The following IMMP2L variants were observed in gnomAD, a reference collection of about 807,000 sequenced individuals.
IMMP2L encodes mitochondrial inner membrane protease subunit 2.
A neutral mutation model predicts 19.3 loss-of-function variants in IMMP2L; 18 were observed. That is an observed-to-expected ratio of 0.93 (90% CI 0.64 to 1.38). The LOEUF is 1.38. Among genes scored for constraint, IMMP2L ranks in the 40% most tolerant of loss-of-function variants. The pLI, the probability that IMMP2L is intolerant of heterozygous loss-of-function variation, is 0.00. For missense variants in IMMP2L, 233 were observed against 218.2 expected (o/e 1.07, Z -0.43); for synonymous variants, 76 against 73.0 (o/e 1.04, Z -0.21).
At chr7:111,161,909 T>C (rs1054752839) in intron 3 of IMMP2L, among the ~76,000 whole-genome samples, 3 of 152,014 alleles carry the variant, frequency 2.0e-5, no homozygotes, top group African/African-American at 7.2e-5. Context: ...CCACTTCAAA[T>C]AAAGTATCCA....
rs1291545874 is a variant in IMMP2L at position 110,923,230 on chromosome 7, T to C, written c.306-36535A>G. On this transcript the variant is annotated intron_variant, in intron 4 of 5. Transcript: ENST00000405709. ...AATACAACTATTATTATTAATGTCC[T>C]TCTTAAGAAAAGTAACTCTTATACT... is the stretch of plus-strand genomic sequence containing the variant. Among the ~76,000 whole-genome samples, 3 of 152,174 alleles carry C rather than the reference T, an allele frequency of 2.0e-5. No homozygotes were observed. The East Asian group carries it at 5.8e-4, about 29-fold the overall frequency.
Position 111,562,364 on chromosome 7 carries a change from C to G in IMMP2L, c.-516G>C, listed in dbSNP as rs1792189338. On this transcript the variant is annotated 5_prime_UTR_variant, in exon 1 of 6. Transcript: ENST00000405709. ...CGACTCCCAGGGAAGGGTCCCCAGC[C>G]CAAGAGACCACCAAGGGTCGGCGGC... is the stretch of plus-strand genomic sequence containing the variant. 1 of 151,650 alleles carries G rather than the reference C, an allele frequency of 6.6e-6. No homozygotes were observed. The highest frequency in any genetic ancestry group is 1.5e-5 in the Non-Finnish European group (1 of 67,798). The allele number at this position is 151,650 out of a possible 1,614,324, so 9.4% of individuals were successfully genotyped here. A position where few individuals can be genotyped will look rare whatever the true frequency, so the allele number is the denominator to read the frequency against.
At position 111,112,010 on chromosome 7, in the gene IMMP2L, C is replaced by T. The variant is rs374389332; in HGVS notation, c.240-148445G>A. 1.9e-4 allele frequency among the ~76,000 whole-genome samples: 24 copies of T among 125,268 alleles called. No homozygotes were observed. In the East Asian group the frequency reaches 3.4e-3, roughly 18 times the overall value. 82.2% of individuals were successfully genotyped at this position (125,268 alleles called of 152,430 possible). On this transcript the variant is annotated intron_variant, in intron 3 of 5. Coordinates refer to ENST00000405709, the MANE Select transcript of IMMP2L (RefSeq NM_032549.4). The stretch of plus-strand genomic sequence containing the variant: ...TCTCCCAGGCTGGAGTGCAGTGGTG[C>T]GATCTCGGCTCACTGCAACCTCTGC...
chr7:111,108,703 A>T (rs1798828951), intron 3 of IMMP2L, among the ~76,000 whole-genome samples: 1 of 152,120 alleles, frequency 6.6e-6, no homozygotes, highest in Admixed American at 6.6e-5. Context: ...AAAAAAACAT[A>T]TTTATTTCTG....
intron 3 of IMMP2L, among the ~76,000 whole-genome samples, chr7:111,340,414 T>C (rs1368697151): frequency 6.6e-6 from 1 of 152,054 alleles, no homozygotes; most frequent in African/African-American, 2.4e-5. Flanking sequence ...TATATCCTAT[T>C]TAGATTCTTT....
At chr7:111,443,719 T>C (rs190678788) in intron 3 of IMMP2L, among the ~76,000 whole-genome samples, 3 of 152,284 alleles carry the variant, frequency 2.0e-5, no homozygotes, top group East Asian at 3.9e-4. Context: ...ATTATATTAA[T>C]TCAAATATGT....
chr7:110,802,538 C>T (rs978968388), intron 5 of IMMP2L, among the ~76,000 whole-genome samples: 1 of 151,880 alleles, frequency 6.6e-6, no homozygotes, highest in African/African-American at 2.4e-5. Flanking sequence ...ATGAAGAACT[C>T]ATGTTCTTAG....
intron 2 of IMMP2L, among the ~76,000 whole-genome samples, chr7:111,507,788 G>A (rs534498814): frequency 2.6e-5 from 4 of 152,260 alleles, no homozygotes; most frequent in African/African-American, 7.2e-5. Flanking sequence ...GCTTCCCTCA[G>A]CTGGAAAGTT....
At chr7:110,849,612 T>C (rs1274280014) in intron 5 of IMMP2L, among the ~76,000 whole-genome samples, 1 of 152,098 alleles carries the variant, frequency 6.6e-6, no homozygotes, top group Non-Finnish European at 1.5e-5. Flanking sequence ...ATGATGTTTA[T>C]CACGTATCAA....
chr7:110,775,397 T>G (rs1017930478), intron 5 of IMMP2L, among the ~76,000 whole-genome samples: 2 of 151,954 alleles, frequency 1.3e-5, no homozygotes, highest in Non-Finnish European at 2.9e-5. Context: ...ACAGAAAAAT[T>G]CTATTTAAAT....
At chr7:110,819,456 G>A (rs1417017130) in intron 5 of IMMP2L, among the ~76,000 whole-genome samples, 1 of 151,972 alleles carries the variant, frequency 6.6e-6, no homozygotes, top group Non-Finnish European at 1.5e-5. Flanking sequence ...GAACTCCCAG[G>A]ATGTCTAATT....
At chr7:111,432,602 C>A (rs952751053) in intron 3 of IMMP2L, among the ~76,000 whole-genome samples, 4 of 151,558 alleles carry the variant, frequency 2.6e-5, no homozygotes, top group African/African-American at 9.8e-5. Flanking sequence ...AACCCACAGC[C>A]AACATTTTAC....
chr7:110,898,803 G>T (rs1811574109), intron 4 of IMMP2L, among the ~76,000 whole-genome samples: 1 of 144,400 alleles, frequency 6.9e-6, no homozygotes, highest in Non-Finnish European at 1.5e-5. Context: ...TTTTTCCTGA[G>T]TTTGTTTTTT....
intron 3 of IMMP2L, among the ~76,000 whole-genome samples, chr7:111,098,955 C>CTAGAATA (rs1313257173): frequency 6.6e-6 from 1 of 151,746 alleles, no homozygotes; most frequent in Non-Finnish European, 1.5e-5. Context: ...TCTGCTCATA[C>CTAGAATA]TAGAATATTA....
At chr7:111,168,806 G>A (rs1362737088) in intron 3 of IMMP2L, among the ~76,000 whole-genome samples, 7 of 151,874 alleles carry the variant, frequency 4.6e-5, no homozygotes, top group Admixed American at 1.3e-4. Context: ...AAGATGCTAT[G>A]GCTTTTGAAA....
intron 5 of IMMP2L, among the ~76,000 whole-genome samples, chr7:110,882,197 A>G (rs1809710945): frequency 6.6e-6 from 1 of 152,048 alleles, no homozygotes; most frequent in South Asian, 2.1e-4. Context: ...TGCACTCATT[A>G]TTATCTATGA....
At chr7:110,966,762 A>T (rs2129556000) in intron 3 of IMMP2L, among the ~76,000 whole-genome samples, 1 of 152,176 alleles carries the variant, frequency 6.6e-6, no homozygotes, top group South Asian at 2.1e-4. Context: ...CTATATCTAT[A>T]TTTTAATCAT....
chr7:110,675,595 T>C (rs79284112), intron 5 of IMMP2L, among the ~76,000 whole-genome samples: 4,787 of 152,302 alleles, frequency 0.031, 84 homozygotes, highest in South Asian at 0.064. Context: ...AGTTTAATAA[T>C]ATAGGAACCA....
At chr7:111,311,773 C>A (rs1388776269) in intron 3 of IMMP2L, among the ~76,000 whole-genome samples, 1 of 152,060 alleles carries the variant, frequency 6.6e-6, no homozygotes, top group Non-Finnish European at 1.5e-5. Flanking sequence ...ATTTCAGCCA[C>A]CATCAAAAAT....
Sources: allele counts gnomAD v4.1 joint callset (sites outside exome capture counted in the v4.1 genomes callset), GRCh38; gene constraint gnomAD v4.1.1; transcripts MANE v1.5; gene names NCBI Gene and HGNC (gene_info 2026-07-23, HGNC 2026-07-21).